The following STARD9 variants were observed in gnomAD, a reference collection of about 807,000 sequenced individuals.
The protein encoded by STARD9 is StAR related lipid transfer domain containing 9, also known as stAR-related lipid transfer protein 9.
In STARD9, 346 loss-of-function variants were observed where a neutral mutation model predicts 399.8. That is an observed-to-expected ratio of 0.87 (90% confidence interval 0.79 to 0.95). STARD9 has a LOEUF of 0.95. Among genes scored for constraint, STARD9 ranks in the 40% least tolerant of loss-of-function variants. STARD9 has a pLI of 0.00. For missense variants in STARD9, 5,832 were observed against 5,667.5 expected, an observed-to-expected ratio of 1.03 and a Z score of -0.93; for synonymous variants, 2,203 against 2,143.5, an observed-to-expected ratio of 1.03 and a Z score of -0.77.
intron 8 of STARD9, among the ~76,000 whole-genome samples, chr15:42,651,796 C>G (rs981946407): frequency 6.6e-6 from 1 of 152,168 alleles, no homozygotes; most frequent in East Asian, 1.9e-4. Flanking sequence ...TCAGGGTACC[C>G]TGAGCTCCAT....
In STARD9 at chr15:42,718,415, C is replaced by T. The variant is rs1449766813; in HGVS notation, c.13763-20C>T. On this transcript the variant is annotated intron_variant, in intron 30 of 32. Transcript: ENST00000290607. The stretch of plus-strand genomic sequence containing the variant: ...GTCTGTCCATGGGCCTCCTGACCTT[C>T]CTTATCCCTGTCCCTCCAGTGTACT... 1 of 1,533,464 alleles carries T rather than the reference C, an allele frequency of 6.5e-7. No individual in the cohort carries two copies. The highest frequency in any genetic ancestry group is 1.2e-5 in the South Asian group (1 of 83,974). 95.0% of individuals were successfully genotyped at this position (1,533,464 alleles called of 1,614,324 possible).
intron 26 of STARD9, among the ~76,000 whole-genome samples, chr15:42,715,922 A>C (rs1595833211): frequency 1.3e-5 from 2 of 152,298 alleles, no homozygotes; most frequent in East Asian, 3.9e-4. Flanking sequence ...AAGGCTTCTG[A>C]CAGGGCAGCG....
intron 9 of STARD9, among the ~76,000 whole-genome samples, chr15:42,654,631 C>T (rs1374111311): frequency 1.3e-5 from 2 of 152,014 alleles, no homozygotes; most frequent in African/African-American, 4.8e-5. Context: ...GTGCTATACA[C>T]CAGCAGCAGA....
chr15:42,681,991 GCCAGCTCTTTCACTCCACACAGGT>G (rs2060440643), intron 21 of STARD9, 89 bp from the exon 22 acceptor site: 1 of 725,176 alleles, frequency 1.4e-6, no homozygotes, highest in East Asian at 2.7e-5. Flanking sequence ...CATCACCTTG[GCCAGCTCTTTCACTCCACACAGGT>G]CCAGCCATGG....
In STARD9 at chr15:42,686,935, A is replaced by G; in HGVS notation, c.5357A>G (p.His1786Arg). 3 of 1,536,752 alleles carry G rather than the reference A, an allele frequency of 2.0e-6. No individual in the cohort carries two copies. Among genetic ancestry groups the G allele is most frequent in the Non-Finnish European group, 2.6e-6 (3 of 1,146,876 alleles). ...GAAGCCTGGGGCTTTGGTCACAACC[A>G]CCAAGCTCTCCAAGGTGCTTATTTG... ...PREAWGFGHNHQALQGAYLKN... is the reference protein window; with the variant it reads ...PREAWGFGHNRQALQGAYLKN... Residue 1786 changes from histidine (H) to arginine (R), a missense_variant, in exon 23 of 33, where the codon CAC (histidine) becomes CGC (arginine). This residue lies in a region of STARD9 where 5,828 missense variants were observed against 5,651.1 expected (regional missense o/e 1.03). Coordinates refer to ENST00000290607, the MANE Select transcript of STARD9 (RefSeq NM_020759.3).
intron 4 of STARD9, among the ~76,000 whole-genome samples, chr15:42,635,185 G>A (rs889242908): frequency 6.6e-6 from 1 of 151,514 alleles, no homozygotes; most frequent in Non-Finnish European, 1.5e-5. Context: ...GTGGGAACCC[G>A]GGAGGCGGAG....
chr15:42,666,622 A>G (rs1245769788), intron 15 of STARD9, among the ~76,000 whole-genome samples: 2 of 152,160 alleles, frequency 1.3e-5, no homozygotes, highest in African/African-American at 4.8e-5. Context: ...AGCTTCTTGA[A>G]TCAGGTTGGT....
intron 3 of STARD9, among the ~76,000 whole-genome samples, chr15:42,618,548 C>T (rs1384505445): frequency 1.3e-5 from 2 of 151,742 alleles, no homozygotes; most frequent in Non-Finnish European, 2.9e-5. Flanking sequence ...CATGAATGTC[C>T]TCTTCTAATT....
chr15:42,649,522 ATCTTG>A (rs2059715141), intron 7 of STARD9, among the ~76,000 whole-genome samples: 1 of 150,260 alleles, frequency 6.7e-6, no homozygotes, highest in Admixed American at 6.6e-5. Context: ...CAAGTTTACA[ATCTTG>A]TCTTTAAACT....
chr15:42,670,922 G>A (rs966773563), intron 16 of STARD9: 13 of 152,132 alleles, frequency 8.5e-5, no homozygotes, highest in African/African-American at 3.1e-4. Flanking sequence ...GAGGTTGGAG[G>A]TCAGGAAGAG....
At chr15:42,716,528 T>TG in intron 26 of STARD9, 149 bp from the exon 27 acceptor site, 1 of 609,192 alleles carries the variant, frequency 1.6e-6, no homozygotes, top group Non-Finnish European at 2.9e-6. Context: ...TGGTCTTCTT[T>TG]GGGGGACATC....
chr15:42,587,807 C>T (rs749066345), intron 3 of STARD9, among the ~76,000 whole-genome samples: 20 of 152,110 alleles, frequency 1.3e-4, no homozygotes, highest in South Asian at 4.1e-4. Flanking sequence ...TCAGGTGATC[C>T]GCTCACCTCA....
At chr15:42,593,269 C>T (rs906104651) in intron 3 of STARD9, among the ~76,000 whole-genome samples, 2 of 152,172 alleles carry the variant, frequency 1.3e-5, no homozygotes, top group African/African-American at 4.8e-5. Flanking sequence ...CTCCCTTCCT[C>T]CTGGTGAGGA....
At chr15:42,694,790 G>T in intron 24 of STARD9, 65 bp downstream of exon 24, 1 of 1,352,802 alleles carries the variant, frequency 7.4e-7, no homozygotes, top group South Asian at 1.3e-5. Flanking sequence ...TGGGGAGCAG[G>T]AGCTGAAGTT....
At chr15:42,609,929 C>T (rs55924858) in intron 3 of STARD9, among the ~76,000 whole-genome samples, 1 of 151,794 alleles carries the variant, frequency 6.6e-6, no homozygotes, top group Non-Finnish European at 1.5e-5. Flanking sequence ...CCTATCTCTA[C>T]TAAAAATTCA....
intron 14 of STARD9, 75 bp downstream of exon 14, chr15:42,665,405 C>G: frequency 5.2e-6 from 6 of 1,162,380 alleles, no homozygotes; most frequent in Non-Finnish European, 7.4e-6. Context: ...TCCATAGAGT[C>G]TGGGCCCTGC....
chr15:42,705,812 G>A (rs1293105607), intron 26 of STARD9, among the ~76,000 whole-genome samples: 1 of 151,904 alleles, frequency 6.6e-6, no homozygotes, highest in Non-Finnish European at 1.5e-5. Flanking sequence ...GAGTGCAGGG[G>A]CGTGATCTCA....
Position 42,690,259 on chromosome 15 carries a change from A to G in STARD9, c.8681A>G (p.His2894Arg), listed in dbSNP as rs2060659478. The G allele has an allele frequency of 1.3e-6, 2 of 1,537,438 alleles. No individual in the cohort carries two copies. The highest frequency in any genetic ancestry group is 2.4e-5 in the South Asian group (2 of 84,066). ...LTEVCRAGSKHSRPIPLPDQR... is the reference protein window; with the variant it reads ...LTEVCRAGSKRSRPIPLPDQR... ...GAAGTCTGCAGGGCTGGCAGCAAAC[A>G]TTCCAGGCCAATTCCACTGCCAGAT... Residue 2894 changes from histidine to arginine, a missense_variant, in exon 23 of 33, where the codon CAT becomes CGT. By Grantham distance (29) the His-to-Arg change is conservative. Transcript: ENST00000290607.
chr15:42,693,066 C>T lies in STARD9; in HGVS notation c.11488C>T (p.Leu3830Phe). The change falls in exon 23 of 33, where the codon CTT becomes TTT. Residue 3830 changes from leucine (L) to phenylalanine (F), a missense_variant. Around this residue, in one of 2 missense-constraint regions of STARD9, gnomAD observed 5,828 missense variants for 5,651.1 expected, o/e 1.03. Coordinates refer to ENST00000290607, the MANE Select transcript of STARD9 (RefSeq NM_020759.3). Reference protein sequence around the residue: ...RFQKAPVGQHLPSVSPSVSDA... With the variant: ...RFQKAPVGQHFPSVSPSVSDA... ...TCAGAAAGCCCCCGTTGGGCAGCATCTTCCTTCTGTGAGCCCCTCAGTTTC... is the reference window on the plus strand; with the variant it reads ...TCAGAAAGCCCCCGTTGGGCAGCATTTTCCTTCTGTGAGCCCCTCAGTTTC... The T allele has an allele frequency of 6.5e-7, 1 of 1,537,216 alleles. No individual in the cohort carries two copies. Among genetic ancestry groups the T allele is most frequent in the Non-Finnish European group, 8.7e-7 (1 of 1,146,908 alleles).
Sources: allele counts gnomAD v4.1 joint callset (sites outside exome capture counted in the v4.1 genomes callset), GRCh38; gene constraint gnomAD v4.1.1; regional missense constraint gnomAD v4.1.1; transcripts MANE v1.5; gene names NCBI Gene and HGNC (gene_info 2026-07-23, HGNC 2026-07-21).